UXS1: variants seen among roughly 807,000 people sequenced by gnomAD.
The protein encoded by UXS1 is UDP-glucuronic acid decarboxylase 1.
Under a neutral mutation model 62.6 loss-of-function variants are expected in UXS1, and 33 were observed. The ratio of observed to expected loss-of-function variants is 0.53; its 90% CI spans 0.40 to 0.70. The LOEUF (loss-of-function observed/expected upper bound fraction) is 0.70. Ranked by LOEUF, UXS1 falls within the 30% of genes least tolerant of loss-of-function variation. UXS1 has a pLI of 0.00. For synonymous variants in UXS1, 213 were observed against 206.8 expected (o/e 1.03, Z -0.26); for missense variants, 434 against 556.3 (o/e 0.78, Z 2.21).
At chr2:106,123,122 ATC>A (rs778932682) in intron 8 of UXS1, 31 bp from the exon 9 acceptor site, 3 of 1,612,550 alleles carry the variant, frequency 1.9e-6, no homozygotes, top group Non-Finnish European at 2.5e-6. Flanking sequence ...GACTGTTTTC[ATC>A]TTTCCTTTTT....
intron 1 of UXS1, among the ~76,000 whole-genome samples, chr2:106,181,139 G>C (rs1207737736): frequency 1.3e-5 from 2 of 152,206 alleles, no homozygotes; most frequent in Non-Finnish European, 2.9e-5. Flanking sequence ...GGGCTGCGGA[G>C]AGGTCACTGG....
chr2:106,136,402 C>T (rs1304146573), intron 6 of UXS1, among the ~76,000 whole-genome samples: 13 of 147,238 alleles, frequency 8.8e-5, no homozygotes, highest in African/African-American at 3.3e-4. Flanking sequence ...CCCAGCCATC[C>T]CATTACTGGG....
chr2:106,128,439 C>T (rs1478991341), intron 7 of UXS1, among the ~76,000 whole-genome samples: 1 of 152,102 alleles, frequency 6.6e-6, no homozygotes, highest in African/African-American at 2.4e-5. Context: ...AAGGTGTTTC[C>T]GGAAGAGAGG....
At chr2:106,102,242 T>C (rs1677656717) in intron 11 of UXS1, 1 of 152,258 alleles carries the variant, frequency 6.6e-6, no homozygotes, top group Admixed American at 6.5e-5. Flanking sequence ...TTCATCACTA[T>C]GGCAGTATTG....
chr2:106,162,335 A>G (rs1427587186), intron 4 of UXS1, among the ~76,000 whole-genome samples: 2 of 152,214 alleles, frequency 1.3e-5, no homozygotes, highest in African/African-American at 4.8e-5. Context: ...AGATATCACA[A>G]AAGTATCAAA....
intron 6 of UXS1, among the ~76,000 whole-genome samples, chr2:106,139,552 T>C (rs1680931714): frequency 1.3e-5 from 2 of 152,078 alleles, no homozygotes; most frequent in African/African-American, 2.4e-5. Flanking sequence ...AAAATCACCA[T>C]AGGAGGAGAA....
At chr2:106,147,018 G>C (rs1214736882) in intron 5 of UXS1, among the ~76,000 whole-genome samples, 1 of 151,948 alleles carries the variant, frequency 6.6e-6, no homozygotes, top group Non-Finnish European at 1.5e-5. Context: ...CTACACGCCT[G>C]TAATCCCAGC....
chr2:106,184,667 T>C (rs182708091), intron 1 of UXS1, among the ~76,000 whole-genome samples: 45 of 152,286 alleles, frequency 3.0e-4, no homozygotes, highest in Non-Finnish European at 5.0e-4. Context: ...CACTATCCCA[T>C]GCATGAGGGC....
In UXS1 at chr2:106,101,093, G is replaced by C. The variant is rs1358150515; in HGVS notation, c.949C>G (p.Leu317Val). ...GGGCTGCTGACGTTGCTGTTCATGA[G>C]AGCCACGAGGCCATTCACTAGATCG... ...VSDLVNGLVA[L>V]MNSNVSSPVN... The change falls in exon 12 of 15, where the codon CTC (leucine) becomes GTC (valine). Residue 317 changes from leucine (L) to valine (V), a missense_variant. Physicochemically the swap from Leu to Val is conservative, Grantham distance 32. This residue lies in a region of UXS1 where 209 missense variants were observed against 233.3 expected (regional missense o/e 0.90). Transcript: ENST00000283148. 1 of 1,613,756 alleles carries C rather than the reference G, an allele frequency of 6.2e-7. No homozygotes were observed. The highest frequency in any genetic ancestry group is 1.3e-5 in the African/African-American group (1 of 74,848).
chr2:106,118,245 A>C (rs1679220649), intron 9 of UXS1, among the ~76,000 whole-genome samples: 3 of 150,434 alleles, frequency 2.0e-5, no homozygotes. Flanking sequence ...TTTCCAACTC[A>C]GGTAGAATAT....
At chr2:106,129,922 C>T in intron 6 of UXS1, 144 bp from the exon 7 acceptor site, 1 of 549,416 alleles carries the variant, frequency 1.8e-6, no homozygotes, top group South Asian at 3.0e-5. Flanking sequence ...AACTAATTTA[C>T]ATTTGTAATT....
intron 10 of UXS1, among the ~76,000 whole-genome samples, chr2:106,107,516 G>A (rs1048851591): frequency 2.0e-5 from 3 of 152,188 alleles, no homozygotes; most frequent in East Asian, 1.9e-4. Flanking sequence ...TAAGCCCCCC[G>A]ACCGGGATGG....
At chr2:106,171,344 C>G (rs1683544608) in intron 1 of UXS1, among the ~76,000 whole-genome samples, 1 of 152,162 alleles carries the variant, frequency 6.6e-6, no homozygotes, top group Non-Finnish European at 1.5e-5. Flanking sequence ...TAGTCATCAG[C>G]TATCATGAGA....
chr2:106,113,608 A>G (rs888431156), intron 9 of UXS1, among the ~76,000 whole-genome samples: 1 of 152,258 alleles, frequency 6.6e-6, no homozygotes, highest in African/African-American at 2.4e-5. Context: ...CTGCTTTGCC[A>G]TGGATGGAAA....
At chr2:106,170,881 C>T (rs1028796396) in intron 1 of UXS1, among the ~76,000 whole-genome samples, 25 of 152,324 alleles carry the variant, frequency 1.6e-4, no homozygotes, top group African/African-American at 4.8e-4. Flanking sequence ...ACCCACCTTA[C>T]GGTGCTTCAA....
chr2:106,156,020 A>G lies in UXS1; in HGVS notation c.291+2038T>C, dbSNP rs545681792. Among the ~76,000 whole-genome samples the G allele has an allele frequency of 7.9e-5, 12 of 152,286 alleles. No individual in the cohort carries two copies. In the East Asian group the frequency reaches 2.3e-3, roughly 29 times the overall value. ...GATTTCCTAAATATGACATCCAAGT[A>G]CAAGCAGCAAGAGAAAAAAACAGAC... On this transcript the variant is annotated intron_variant, in intron 5 of 14. Transcript: ENST00000283148.
rs371931708 is a variant in UXS1, at chr2:106,163,664, T to A, written c.230+3A>T. 1.5e-5 allele frequency: 22 copies of A among 1,467,292 alleles called. No homozygotes were observed. Among genetic ancestry groups the A allele is most frequent in the Non-Finnish European group, 2.0e-5 (22 of 1,103,670 alleles). The allele number at this position is 1,467,292 out of a possible 1,614,324, so 90.9% of individuals were successfully genotyped here. A position where few individuals can be genotyped will look rare whatever the true frequency, so the allele number is the denominator to read the frequency against. The stretch of plus-strand genomic sequence containing the variant: ...TTGACTTTAAGACAAAAAGTACACA[T>A]ACCTTTTTTCTAAATCTCTGATTTT... On this transcript the variant is annotated splice_donor_region_variant and intron_variant, in intron 4 of 14. Coordinates refer to ENST00000283148, the MANE Select transcript of UXS1 (RefSeq NM_001253875.2).
intron 12 of UXS1, among the ~76,000 whole-genome samples, chr2:106,100,218 T>C (rs1277039757): frequency 1.3e-5 from 2 of 152,128 alleles, no homozygotes; most frequent in African/African-American, 2.4e-5. Context: ...ACAGTCCACA[T>C]TGGAAACCTT....
chr2:106,116,075 T>C (rs779974063), intron 9 of UXS1, among the ~76,000 whole-genome samples: 34 of 152,276 alleles, frequency 2.2e-4, no homozygotes, highest in Non-Finnish European at 4.0e-4. Flanking sequence ...GGCTTGGGTA[T>C]GCAGGTCCTG....
Sources: allele counts gnomAD v4.1 joint callset (sites outside exome capture counted in the v4.1 genomes callset), GRCh38; gene constraint gnomAD v4.1.1; regional missense constraint gnomAD v4.1.1; transcripts MANE v1.5; gene names NCBI Gene and HGNC (gene_info 2026-07-23, HGNC 2026-07-21).